SEM1: variants seen among roughly 807,000 people sequenced by gnomAD.
SEM1 encodes the protein SEM1 26S proteasome subunit.
A neutral mutation model predicts 12.7 loss-of-function variants in SEM1; 3 were observed. That is an observed-to-expected ratio of 0.24 (90% CI 0.11 to 0.61). SEM1 has a LOEUF of 0.61. Among genes scored for constraint, SEM1 ranks in the 20% least tolerant of loss-of-function variants. SEM1 has a pLI of 0.88. For missense variants in SEM1, 59 were observed against 81.3 expected (o/e 0.73, Z 1.06); for synonymous variants, 30 against 27.8 (o/e 1.08, Z -0.25).
chr7:96,635,005 A>T (rs1047804649), intron 2 of SEM1, among the ~76,000 whole-genome samples: 1 of 152,166 alleles, frequency 6.6e-6, no homozygotes, highest in African/African-American at 2.4e-5. Context: ...CCAGTATGGA[A>T]ATGGCCAACC....
chr7:96,617,992 T>A (rs1384361759), downstream of SEM1, among the ~76,000 whole-genome samples: 3 of 152,192 alleles, frequency 2.0e-5, no homozygotes, highest in Non-Finnish European at 4.4e-5. Context: ...TGTTTTCTTT[T>A]TTGTTGTATC....
At chr7:96,620,519 C>G (rs1028564467), downstream of SEM1, among the ~76,000 whole-genome samples, 12 of 152,158 alleles carry the variant, frequency 7.9e-5, no homozygotes, top group African/African-American at 2.9e-4. Flanking sequence ...GCCTGAGGCC[C>G]TAGTGGGTTG....
At chr7:96,602,258 T>G (rs904992075) in intron 2 of SEM1, among the ~76,000 whole-genome samples, 3 of 152,232 alleles carry the variant, frequency 2.0e-5, no homozygotes, top group African/African-American at 7.2e-5. Context: ...AGGACCAGAC[T>G]TTAATGTTAA....
chr7:96,706,939 TACA>T (rs1192143789), intron 1 of SEM1, among the ~76,000 whole-genome samples: 1 of 152,212 alleles, frequency 6.6e-6, no homozygotes, highest in African/African-American at 2.4e-5. Flanking sequence ...ATGGCATACT[TACA>T]AGAAAAATAA....
intron 2 of SEM1, among the ~76,000 whole-genome samples, chr7:96,512,947 A>G (rs1803977565): frequency 1.3e-5 from 2 of 152,166 alleles, no homozygotes; most frequent in Admixed American, 1.3e-4. Context: ...CTTTCATTAC[A>G]TAATTAACAC....
intron 2 of SEM1, among the ~76,000 whole-genome samples, chr7:96,533,404 C>T (rs953410009): frequency 3.9e-5 from 6 of 151,948 alleles, no homozygotes; most frequent in African/African-American, 1.4e-4. Context: ...AAGAGTCACC[C>T]GCAAAATTGC....
At chr7:96,623,248 C>A (rs2116292945) in intron 2 of SEM1, 1 of 152,262 alleles carries the variant, frequency 6.6e-6, no homozygotes, top group Non-Finnish European at 1.5e-5. Context: ...CAGGCTGGAA[C>A]TTTAACATTG....
chr7:96,616,165 A>G (rs969226724), intron 2 of SEM1, among the ~76,000 whole-genome samples: 1 of 152,184 alleles, frequency 6.6e-6, no homozygotes, highest in Non-Finnish European at 1.5e-5. Flanking sequence ...CACCAAGAGT[A>G]CATAAGCATT....
intron 2 of SEM1, among the ~76,000 whole-genome samples, chr7:96,557,932 CG>C (rs902521992): frequency 5.3e-5 from 8 of 152,264 alleles, no homozygotes; most frequent in Admixed American, 1.3e-4. Flanking sequence ...GGGCAGTATT[CG>C]GGTGGGAGTG....
chr7:96,543,351 T>C (rs1352530853), intron 2 of SEM1, among the ~76,000 whole-genome samples: 1 of 151,966 alleles, frequency 6.6e-6, no homozygotes, highest in Non-Finnish European at 1.5e-5. Flanking sequence ...AAGGCACTTA[T>C]ATATTCTGAA....
chr7:96,581,682 T>C (rs555446342), intron 2 of SEM1, among the ~76,000 whole-genome samples: 44 of 152,222 alleles, frequency 2.9e-4, no homozygotes, highest in Non-Finnish European at 5.7e-4. Context: ...GAAGAGGTCT[T>C]TCACAGCCCT....
At chr7:96,638,528 T>G (rs1808497854) in intron 2 of SEM1, among the ~76,000 whole-genome samples, 1 of 151,978 alleles carries the variant, frequency 6.6e-6, no homozygotes, top group Non-Finnish European at 1.5e-5. Flanking sequence ...TGAAGGGACA[T>G]AGAATCATTT....
intron 2 of SEM1, among the ~76,000 whole-genome samples, chr7:96,574,034 C>T (rs1425133909): frequency 6.6e-5 from 10 of 151,950 alleles, no homozygotes; most frequent in African/African-American, 1.2e-4. Flanking sequence ...GTGCTGCACC[C>T]GTTAACTCAT....
intron 3 of SEM1, among the ~76,000 whole-genome samples, chr7:96,484,459 A>G (rs1031014995): frequency 6.6e-6 from 1 of 152,200 alleles, no homozygotes; most frequent in African/African-American, 2.4e-5. Flanking sequence ...CCATAAGGTA[A>G]AATGCTAAGT....
intron 2 of SEM1, among the ~76,000 whole-genome samples, chr7:96,513,305 A>G (rs1803989828): frequency 6.6e-6 from 1 of 152,058 alleles, no homozygotes; most frequent in Non-Finnish European, 1.5e-5. Flanking sequence ...CAGATTTCTA[A>G]CCTTTGAAAA....
intron 2 of SEM1, among the ~76,000 whole-genome samples, chr7:96,659,741 C>T (rs566631105): frequency 6.6e-6 from 1 of 151,696 alleles, no homozygotes; most frequent in African/African-American, 2.4e-5. Flanking sequence ...AGCTTACTTG[C>T]AAAATTTCAA....
intron 2 of SEM1, among the ~76,000 whole-genome samples, chr7:96,526,328 A>C (rs376796744): frequency 2.6e-5 from 4 of 151,956 alleles, no homozygotes; most frequent in East Asian, 1.9e-4. Context: ...AAGTTTCTGC[A>C]AACAATAGAC....
At chr7:96,512,239 A>T (rs1803957130) in intron 2 of SEM1, among the ~76,000 whole-genome samples, 1 of 152,078 alleles carries the variant, frequency 6.6e-6, no homozygotes, top group Non-Finnish European at 1.5e-5. Flanking sequence ...AGAGCCTGAC[A>T]TTGGGGACTG....
chr7:96,654,949 A>C (rs576315806), intron 2 of SEM1, among the ~76,000 whole-genome samples: 1 of 152,260 alleles, frequency 6.6e-6, no homozygotes, highest in Admixed American at 6.5e-5. Flanking sequence ...ATTATTGTGA[A>C]GCACCGTCCC....
Sources: gnomAD v4.1 joint callset for allele counts (sites outside exome capture counted in the v4.1 genomes callset) on GRCh38, gnomAD v4.1.1 for gene constraint, MANE v1.5 for transcripts, NCBI Gene and HGNC (gene_info 2026-07-23, HGNC 2026-07-21) for gene names.